TNFRSF8: variants seen among roughly 807,000 people sequenced by gnomAD.
The protein encoded by TNFRSF8 is tumor necrosis factor receptor superfamily member 8.
Under a neutral mutation model 70.8 loss-of-function variants are expected in TNFRSF8, and 26 were observed. That is an observed-to-expected ratio of 0.37 (90% CI 0.27 to 0.51). TNFRSF8 has a LOEUF of 0.51. Among genes scored for constraint, TNFRSF8 ranks in the 20% least tolerant of loss-of-function variants. TNFRSF8 has a pLI of 0.94. For missense variants in TNFRSF8, 720 were observed against 807.9 expected (o/e 0.89, Z 1.32); for synonymous variants, 356 against 339.2 (o/e 1.05, Z -0.54).
chr1:12,081,293 C>T (rs548054183), intron 1 of TNFRSF8, among the ~76,000 whole-genome samples: 21 of 152,236 alleles, frequency 1.4e-4, no homozygotes, highest in African/African-American at 2.9e-4. Context: ...GCAGGCAGGC[C>T]GGGAGGGGAG....
intron 12 of TNFRSF8, among the ~76,000 whole-genome samples, chr1:12,129,664 C>T (rs1046471960): frequency 1.3e-5 from 2 of 152,172 alleles, no homozygotes; most frequent in Admixed American, 1.3e-4. Flanking sequence ...TCAGGTCATG[C>T]ATCTTGGGCT....
chr1:12,112,098 G>T lies in TNFRSF8; in HGVS notation c.793+84G>T. 1 of 988,816 alleles carries T rather than the reference G, an allele frequency of 1.0e-6. No homozygotes were observed. 61.3% of individuals were successfully genotyped at this position (988,816 alleles called of 1,614,324 possible). On this transcript the variant is annotated intron_variant, in intron 7 of 14. Transcript: ENST00000263932. This position sits in a 1 kb window ranked among gnomAD's most constrained non-coding sequence, Gnocchi z 5.3. ...ACTTCCAGTAACTACTCCCCCTTATGTTTGTGGGTTTTTGATGGGGGTCGC... is the reference window on the plus strand; with the variant it reads ...ACTTCCAGTAACTACTCCCCCTTATTTTTGTGGGTTTTTGATGGGGGTCGC...
At position 12,126,020 on chromosome 1, in the gene TNFRSF8, A is replaced by T; in HGVS notation, c.1223A>T (p.His408Leu). The T allele has an allele frequency of 6.2e-7, 1 of 1,614,076 alleles. No homozygotes were observed. The highest frequency in any genetic ancestry group is 8.5e-7 in the Non-Finnish European group (1 of 1,180,006). ...GGCTCCAGCGCCTTCCTCCTGTGCC[A>T]CCGGAGGGCCTGCAGGAAGCGAATT... ...VVGSSAFLLC[H>L]RRACRKRIRQ... The change falls in exon 11 of 15, where the codon CAC (histidine) becomes CTC (leucine). Residue 408 changes from histidine to leucine, a missense_variant. Coordinates refer to ENST00000263932, the MANE Select transcript of TNFRSF8 (RefSeq NM_001243.5).
rs914444985 is a variant in TNFRSF8, at chr1:12,137,721, C to T, written c.1336-508C>T. On this transcript the variant is annotated intron_variant, in intron 13 of 14. Transcript: ENST00000263932. ...CATAAAAGACTACTTTCCAGGATGT[C>T]GGGGCTGGGGAGCTGGAGGGGCTGC... Among the ~76,000 whole-genome samples, 19 of 151,896 alleles carry T rather than the reference C, an allele frequency of 1.3e-4. No individual in the cohort carries two copies. The South Asian group carries it at 1.9e-3, about 15-fold the overall frequency.
At chr1:12,083,379 C>T (rs1641098801) in intron 1 of TNFRSF8, among the ~76,000 whole-genome samples, 1 of 152,138 alleles carries the variant, frequency 6.6e-6, no homozygotes, top group Admixed American at 6.5e-5. Context: ...ATCATAATAA[C>T]CAAAAAGTGG....
intron 2 of TNFRSF8, among the ~76,000 whole-genome samples, chr1:12,084,914 G>A (rs1641127116): frequency 2.0e-5 from 3 of 152,114 alleles, no homozygotes; most frequent in Admixed American, 2.0e-4. Flanking sequence ...TGCAGATGAG[G>A]CTACTGGGGC....
chr1:12,110,208 AT>A lies in TNFRSF8; in HGVS notation c.676+7del. The stretch of plus-strand genomic sequence containing the variant: ...GGAAGGCCTAGTTCAGATCCAGGTA[AT>A]TTCCCCATGAAGCTGTGGGTCGTCT... On this transcript the variant is annotated splice_donor_5th_base_variant and intron_variant, in intron 6 of 14. Transcript: ENST00000263932. This position sits in a 1 kb window ranked among gnomAD's most constrained non-coding sequence, Gnocchi z 4.0. The A allele has an allele frequency of 6.3e-7, 1 of 1,575,440 alleles. No individual in the cohort carries two copies. The highest frequency in any genetic ancestry group is 1.2e-5 in the South Asian group (1 of 85,662).
At chr1:12,081,778 G>T (rs1641067257) in intron 1 of TNFRSF8, among the ~76,000 whole-genome samples, 1 of 152,132 alleles carries the variant, frequency 6.6e-6, no homozygotes, top group South Asian at 2.1e-4. Flanking sequence ...GGAGAGAAGA[G>T]TCAGGCAGCC....
intron 1 of TNFRSF8, among the ~76,000 whole-genome samples, chr1:12,081,454 C>T (rs950855010): frequency 6.6e-6 from 1 of 152,010 alleles, no homozygotes; most frequent in East Asian, 1.9e-4. Context: ...CAGGTTCCTG[C>T]CCCCCTGGAG....
In TNFRSF8 at chr1:12,072,310, C is replaced by T. The variant is rs553738028; in HGVS notation, c.63+8649C>T. 4.6e-5 allele frequency among the ~76,000 whole-genome samples: 7 copies of T among 152,282 alleles called. No individual in the cohort carries two copies. The South Asian group carries it at 1.5e-3, about 32-fold the overall frequency. On this transcript the variant is annotated intron_variant, in intron 1 of 14. Transcript: ENST00000263932. ...TACAGCCATGGAGATGAACCAGTTCCAGTCCTTGCCCTCGATGGGGGGCAG... is the reference window on the plus strand; with the variant it reads ...TACAGCCATGGAGATGAACCAGTTCTAGTCCTTGCCCTCGATGGGGGGCAG...
chr1:12,075,677 C>T (rs1229609835), intron 1 of TNFRSF8, among the ~76,000 whole-genome samples: 3 of 152,228 alleles, frequency 2.0e-5, no homozygotes, highest in Admixed American at 2.0e-4. Flanking sequence ...GTGAATATAT[C>T]ACCCTAGGTC....
intron 1 of TNFRSF8, among the ~76,000 whole-genome samples, chr1:12,081,766 G>C (rs1641067029): frequency 6.6e-6 from 1 of 152,130 alleles, no homozygotes; most frequent in East Asian, 1.9e-4. Flanking sequence ...GCTCCCTCGA[G>C]TGGAGAGAAG....
At chr1:12,084,404 AC>A in intron 1 of TNFRSF8, 59 bp from the exon 2 acceptor site, 2 of 1,475,400 alleles carry the variant, frequency 1.4e-6, no homozygotes. Context: ...ACTGGTGGGG[AC>A]AGAGGGAGTA....
At chr1:12,117,079 C>CT (rs959935088) in intron 8 of TNFRSF8, among the ~76,000 whole-genome samples, 8 of 151,456 alleles carry the variant, frequency 5.3e-5, no homozygotes, top group East Asian at 1.9e-4. Flanking sequence ...CCAGTATTGT[C>CT]TTTTTTTTTC....
rs537614325 is a variant in TNFRSF8, at chr1:12,069,875, T to C, written c.63+6214T>C. 4.8e-4 allele frequency among the ~76,000 whole-genome samples: 73 copies of C among 152,238 alleles called. No individual in the cohort carries two copies. In the South Asian group the frequency reaches 0.011, roughly 22 times the overall value. ...TCCCTAAGATGGGGAAAACAGGACTTGCAGACGGTAACATACACACGGAAT... is the reference window on the plus strand; with the variant it reads ...TCCCTAAGATGGGGAAAACAGGACTCGCAGACGGTAACATACACACGGAAT... On this transcript the variant is annotated intron_variant, in intron 1 of 14. Transcript: ENST00000263932.
intron 1 of TNFRSF8, among the ~76,000 whole-genome samples, chr1:12,073,621 T>C (rs1322442120): frequency 1.3e-5 from 2 of 148,878 alleles, no homozygotes; most frequent in African/African-American, 5.0e-5. Flanking sequence ...CTTGACAGAG[T>C]CTCACTCTGT....
Position 12,128,260 on chromosome 1 carries a change from G to A in TNFRSF8, c.1309+2024G>A, listed in dbSNP as rs936284141. Among the ~76,000 whole-genome samples the A allele has an allele frequency of 3.9e-5, 6 of 152,344 alleles. No individual in the cohort carries two copies. In the East Asian group the frequency reaches 9.6e-4, roughly 24 times the overall value. ...GCTTTTAGACTAATTCCGACTGCCC[G>A]CAGAGGCCAAAGGCAGACGGGAGGG... On this transcript the variant is annotated intron_variant, in intron 12 of 14. Transcript: ENST00000263932.
At chr1:12,090,660 A>G (rs1266647457) in intron 2 of TNFRSF8, among the ~76,000 whole-genome samples, 1 of 150,750 alleles carries the variant, frequency 6.6e-6, no homozygotes, top group African/African-American at 2.4e-5. Context: ...TGTTTTGTGT[A>G]TTTGCATTCT....
Position 12,143,893 on chromosome 1 carries a change from T to C in TNFRSF8, c.*1362T>C, listed in dbSNP as rs1441796322. 1.3e-5 allele frequency: 2 copies of C among 152,166 alleles called. No individual in the cohort carries two copies. The highest frequency in any genetic ancestry group is 2.9e-5 in the Non-Finnish European group (2 of 68,044). The allele number at this position is 152,166 out of a possible 1,614,324, so 9.4% of individuals were successfully genotyped here. The stretch of plus-strand genomic sequence containing the variant: ...ATAGTTTCTGAAACCGCTCAGATGT[T>C]TTGGGGAAAGTTGGAGAAGCCGTGG... On this transcript the variant is annotated 3_prime_UTR_variant, in exon 15 of 15. Transcript: ENST00000263932. The surrounding 1 kb of genome is among the most constrained non-coding windows in gnomAD (Gnocchi z 4.1).
Sources: allele counts gnomAD v4.1 joint callset (sites outside exome capture counted in the v4.1 genomes callset), GRCh38; gene constraint gnomAD v4.1.1; non-coding constraint Gnocchi (gnomAD v3.1); transcripts MANE v1.5; gene names NCBI Gene and HGNC (gene_info 2026-07-23, HGNC 2026-07-21).